Variants in NXPE2 observed in about 807,000 individuals in gnomAD.
NXPE2 encodes NXPE family member 2.
Under a neutral mutation model 34.4 loss-of-function variants are expected in NXPE2, and 34 were observed. The ratio of observed to expected loss-of-function variants is 0.99; its 90% CI spans 0.75 to 1.31. NXPE2 has a LOEUF of 1.31. Among genes scored for constraint, NXPE2 ranks in the 40% most tolerant of loss-of-function variants. The pLI, the probability that NXPE2 is intolerant of heterozygous loss-of-function variation, is 0.00. For missense variants in NXPE2, 649 were observed against 672.5 expected (o/e 0.97, Z 0.39); for synonymous variants, 235 against 231.3 (o/e 1.02, Z -0.15).
At chr11:114,757,028 C>G in the NXPE2 span, among the ~76,000 whole-genome samples, 1 of 152,086 alleles carries the variant, frequency 6.6e-6, no homozygotes, top group Non-Finnish European at 1.5e-5. Flanking sequence ...GTTAATTTAG[C>G]ACAGATCTCT....
the NXPE2 span, among the ~76,000 whole-genome samples, chr11:114,535,915 C>T: frequency 2.6e-5 from 4 of 152,138 alleles, no homozygotes; most frequent in Non-Finnish European, 5.9e-5. Flanking sequence ...TTGAACTCAG[C>T]TCTGCACCAA....
chr11:114,539,391 A>T, the NXPE2 span, among the ~76,000 whole-genome samples: 1 of 151,814 alleles, frequency 6.6e-6, no homozygotes, highest in Non-Finnish European at 1.5e-5. Context: ...TATGTAACAA[A>T]CCTGCACGTT....
At chr11:114,642,465 T>C in the NXPE2 span, among the ~76,000 whole-genome samples, 1 of 151,846 alleles carries the variant, frequency 6.6e-6, no homozygotes, top group Non-Finnish European at 1.5e-5. Context: ...GATTTTCCCC[T>C]CCCTGTGTCC....
At chr11:114,625,765 A>G in the NXPE2 span, among the ~76,000 whole-genome samples, 35 of 152,262 alleles carry the variant, frequency 2.3e-4, no homozygotes, top group African/African-American at 7.9e-4. Context: ...CTGAGGTACC[A>G]GGTTCATCTC....
At chr11:114,734,044 T>C in the NXPE2 span, among the ~76,000 whole-genome samples, 802 of 152,342 alleles carry the variant, frequency 5.3e-3, 4 homozygotes, top group African/African-American at 0.019. Context: ...AGTTCATTCT[T>C]CAACTCTTAA....
At chr11:114,608,399 C>A in the NXPE2 span, among the ~76,000 whole-genome samples, 1 of 151,918 alleles carries the variant, frequency 6.6e-6, no homozygotes, top group Non-Finnish European at 1.5e-5. Context: ...TCATGGGTAA[C>A]CACTGTTACC....
the NXPE2 span, among the ~76,000 whole-genome samples, chr11:114,469,782 G>A: frequency 2.0e-5 from 3 of 152,142 alleles, no homozygotes; most frequent in South Asian, 2.1e-4. Flanking sequence ...CACAGTTAAC[G>A]TAATGAACAT....
the NXPE2 span, among the ~76,000 whole-genome samples, chr11:114,667,015 G>A: frequency 6.6e-6 from 1 of 151,956 alleles, no homozygotes; most frequent in Non-Finnish European, 1.5e-5. Context: ...AACATCTAAC[G>A]TCCTCACTTT....
the NXPE2 span, among the ~76,000 whole-genome samples, chr11:114,557,616 A>G: frequency 1.4e-5 from 2 of 141,576 alleles, no homozygotes; most frequent in African/African-American, 5.1e-5. Context: ...AAAACACCAC[A>G]ATATATTATA....
At chr11:114,536,350 C>A in the NXPE2 span, among the ~76,000 whole-genome samples, 1 of 152,086 alleles carries the variant, frequency 6.6e-6, no homozygotes, top group Admixed American at 6.5e-5. Flanking sequence ...AAAATTGACA[C>A]CCTAACATCA....
the NXPE2 span, among the ~76,000 whole-genome samples, chr11:114,804,803 T>A: frequency 1.3e-5 from 2 of 152,114 alleles, no homozygotes; most frequent in Non-Finnish European, 2.9e-5. Flanking sequence ...AGACCTGAGA[T>A]GTGGCTGGAG....
At chr11:114,719,787 TG>T in the NXPE2 span, among the ~76,000 whole-genome samples, 11 of 152,170 alleles carry the variant, frequency 7.2e-5, no homozygotes, top group Admixed American at 3.3e-4. Context: ...GAGAGGTGAG[TG>T]GGCCCTGAGC....
At chr11:114,607,147 C>A in the NXPE2 span, among the ~76,000 whole-genome samples, 3 of 151,712 alleles carry the variant, frequency 2.0e-5, no homozygotes, top group Non-Finnish European at 4.4e-5. Context: ...TCTTGGGTAA[C>A]CAGTATTACC....
chr11:114,635,200 C>G, the NXPE2 span, among the ~76,000 whole-genome samples: 1 of 149,518 alleles, frequency 6.7e-6, no homozygotes, highest in South Asian at 2.2e-4. Context: ...AGTTGGATTC[C>G]TAGGTATTTT....
chr11:114,526,779 AT>A, the NXPE2 span: 1 of 152,192 alleles, frequency 6.6e-6, no homozygotes, highest in Non-Finnish European at 1.5e-5. Context: ...ACAAGGAATA[AT>A]TTTTTAGTGT....
intron 2 of NXPE2, among the ~76,000 whole-genome samples, chr11:114,693,084 A>G (rs1951183073): frequency 6.6e-6 from 1 of 152,212 alleles, no homozygotes; most frequent in Non-Finnish European, 1.5e-5. Context: ...ACCTCATTAT[A>G]TACCGAATCT....
chr11:114,601,862 C>G, the NXPE2 span, among the ~76,000 whole-genome samples: 66 of 10,054 alleles, frequency 6.6e-3, no homozygotes, highest in African/African-American at 0.033. Context: ...ATATAATATA[C>G]AATTATATAT....
At chr11:114,482,321 A>C in the NXPE2 span, among the ~76,000 whole-genome samples, 1 of 152,202 alleles carries the variant, frequency 6.6e-6, no homozygotes, top group South Asian at 2.1e-4. Flanking sequence ...TGGGATCCAC[A>C]TTCAAGACAC....
chr11:114,681,731 T>C (rs372050928), intron 2 of NXPE2, among the ~76,000 whole-genome samples: 190 of 152,270 alleles, frequency 1.2e-3, no homozygotes, highest in African/African-American at 4.3e-3. Flanking sequence ...TCCCGTAATT[T>C]TGGAATACAT....
Sources: allele counts gnomAD v4.1 joint callset (sites outside exome capture counted in the v4.1 genomes callset), GRCh38; gene constraint gnomAD v4.1.1; transcripts MANE v1.5; gene names NCBI Gene and HGNC (gene_info 2026-07-23, HGNC 2026-07-21).